TCOF1: variants seen among roughly 807,000 people sequenced by gnomAD.
TCOF1 encodes the protein treacle ribosome biogenesis factor 1.
A neutral mutation model predicts 149.0 loss-of-function variants in TCOF1; 33 were observed. The observed-to-expected ratio is 0.22, with a 90% CI of 0.17 to 0.30. The LOEUF (loss-of-function observed/expected upper bound fraction) is 0.30. Among genes scored for constraint, TCOF1 ranks in the 10% least tolerant of loss-of-function variants. The pLI is 1.00. For missense variants in TCOF1, 1,728 were observed against 1,840.7 expected (o/e 0.94, Z 1.12); for synonymous variants, 789 against 738.8 (o/e 1.07, Z -1.10).
chr5:150,384,037 C>T, intron 17 of TCOF1: 1 of 1,362,174 alleles, frequency 7.3e-7, no homozygotes, highest in Non-Finnish European at 9.4e-7. Context: ...AGAGCACCAG[C>T]TCCCCTGTCC....
intron 21 of TCOF1, 98 bp downstream of exon 21, chr5:150,392,274 C>G: frequency 8.1e-7 from 1 of 1,239,310 alleles, no homozygotes. Context: ...ATCTCAGACT[C>G]ATTCTGCACC....
chr5:150,396,923 G>C (rs1234927230), intron 24 of TCOF1, 81 bp downstream of exon 24: 1 of 1,477,852 alleles, frequency 6.8e-7, no homozygotes, highest in Non-Finnish European at 9.2e-7. Context: ...GCCAGCACCT[G>C]GTCTCATTCC....
intron 23 of TCOF1, 107 bp from the exon 24 acceptor site, chr5:150,396,175 T>C: frequency 7.8e-7 from 1 of 1,282,110 alleles, no homozygotes. Context: ...ATCTGTGCCA[T>C]TGTAAGAAAA....
At chr5:150,380,029 G>A (rs1164651149) in intron 17 of TCOF1, 4 of 392,322 alleles carry the variant, frequency 1.0e-5, no homozygotes, top group Non-Finnish European at 1.5e-5. Flanking sequence ...CCAAGATCAT[G>A]CCACTGCACT....
At chr5:150,376,703 G>A (rs945044508) in intron 14 of TCOF1, 83 bp downstream of exon 14, 1 of 1,425,372 alleles carries the variant, frequency 7.0e-7, no homozygotes. Context: ...GGGGGCTAGT[G>A]TTGCCTGCAG....
At chr5:150,377,660 G>A (rs1764128494) in intron 14 of TCOF1, among the ~76,000 whole-genome samples, 1 of 152,126 alleles carries the variant, frequency 6.6e-6, no homozygotes, top group South Asian at 2.1e-4. Flanking sequence ...CTCCATTGAG[G>A]TTTTTAAGCT....
intron 17 of TCOF1, among the ~76,000 whole-genome samples, chr5:150,385,306 AT>A (rs1435868046): frequency 3.3e-5 from 5 of 152,234 alleles, no homozygotes; most frequent in Non-Finnish European, 7.3e-5. Context: ...GCCTAGCATA[AT>A]TGGTTCTAGA....
chr5:150,393,875 A>G (rs1361973279), intron 23 of TCOF1: 1 of 378,948 alleles, frequency 2.6e-6, no homozygotes, highest in Non-Finnish European at 5.1e-6. Context: ...AGCCGGTGTG[A>G]TGGTGCACGC....
chr5:150,385,317 A>G (rs756827154), intron 17 of TCOF1, among the ~76,000 whole-genome samples: 3 of 152,202 alleles, frequency 2.0e-5, no homozygotes, highest in Non-Finnish European at 4.4e-5. Flanking sequence ...TTGGTTCTAG[A>G]AGGAGCTCCA....
At chr5:150,365,253 C>CTTTTTT (rs991524826) in intron 3 of TCOF1, among the ~76,000 whole-genome samples, 4 of 116,494 alleles carry the variant, frequency 3.4e-5, no homozygotes, top group Non-Finnish European at 3.7e-5. Flanking sequence ...CTTTTTCTTT[C>CTTTTTT]TTTTTTTTTT....
At chr5:150,365,599 A>C (rs1166519889) in intron 3 of TCOF1, among the ~76,000 whole-genome samples, 1 of 152,146 alleles carries the variant, frequency 6.6e-6, no homozygotes, top group Non-Finnish European at 1.5e-5. Context: ...ACAGACCTGC[A>C]TGCTATTTGA....
intron 19 of TCOF1, 105 bp downstream of exon 19, chr5:150,390,128 C>T (rs770445397): frequency 3.2e-5 from 48 of 1,521,594 alleles, no homozygotes; most frequent in African/African-American, 4.1e-5. Context: ...CTGTCACGCC[C>T]ACACTCCAGA....
intron 21 of TCOF1, 48 bp downstream of exon 21, chr5:150,392,224 G>A (rs763337147): frequency 1.1e-5 from 17 of 1,585,730 alleles, no homozygotes; most frequent in Non-Finnish European, 1.3e-5. Context: ...AGAGGGTGTT[G>A]TGTGGCCTGG....
Position 150,376,288 on chromosome 5 carries a change from T to C in TCOF1, c.2100T>C (p.Asp700=), listed in dbSNP as rs1763785411. 1 of 1,613,868 alleles carries C rather than the reference T, an allele frequency of 6.2e-7. No individual in the cohort carries two copies. The highest frequency in any genetic ancestry group is 1.7e-5 in the Admixed American group (1 of 60,000). ...AEDSSSSEES[D]SEEEKTGLAV... is the part of the protein sequence containing the mutation. Reference sequence around the variant, plus strand: ...ATTCTTCAAGCAGTGAGGAATCAGATAGTGAGGAAGAGAAGACAGGTCTTG... The same window carrying C: ...ATTCTTCAAGCAGTGAGGAATCAGACAGTGAGGAAGAGAAGACAGGTCTTG... Residue 700 remains aspartate, a synonymous_variant, in exon 13 of 27, where the codon GAT becomes GAC. Coordinates refer to ENST00000643257, the MANE Select transcript of TCOF1 (RefSeq NM_001371623.1).
At chr5:150,385,507 C>G (rs1317317719) in intron 17 of TCOF1, among the ~76,000 whole-genome samples, 1 of 152,186 alleles carries the variant, frequency 6.6e-6, no homozygotes, top group African/African-American at 2.4e-5. Context: ...TAGAATTTCT[C>G]AGTCCCCTGG....
chr5:150,357,782 C>G lies in TCOF1; in HGVS notation c.36C>G (p.Pro12=). The change falls in exon 1 of 27, where the codon CCC becomes CCG. Residue 12 remains proline, a synonymous_variant. Coordinates refer to ENST00000643257, the MANE Select transcript of TCOF1 (RefSeq NM_001371623.1). ...AEARKRRELL[P]LIYHHLLRAG... ...CCAGGAAGCGGCGGGAGCTACTTCCCCTGATCTACCACCATCTGCTGCGGG... is the reference window on the plus strand; with the variant it reads ...CCAGGAAGCGGCGGGAGCTACTTCCGCTGATCTACCACCATCTGCTGCGGG... The G allele has an allele frequency of 6.5e-7, 1 of 1,549,722 alleles. No individual in the cohort carries two copies. Among genetic ancestry groups the G allele is most frequent in the Non-Finnish European group, 8.7e-7 (1 of 1,146,572 alleles).
rs1765788696 is a variant in TCOF1 at position 150,384,096 on chromosome 5, G to A, written c.2860-3806G>A. 1.3e-5 allele frequency: 16 copies of A among 1,227,590 alleles called. 1 individual carries two copies. The South Asian group carries it at 1.7e-4, about 13-fold the overall frequency. 76.0% of individuals were successfully genotyped at this position (1,227,590 alleles called of 1,614,324 possible). ...AGTTCTGCAACCTCCAGACCAGAGC[G>A]GTCTCATGAACCACCTCCCCTTGAA... On this transcript the variant is annotated intron_variant, in intron 17 of 26. Coordinates refer to ENST00000643257, the MANE Select transcript of TCOF1 (RefSeq NM_001371623.1).
chr5:150,361,244 A>G (rs1381643870), intron 2 of TCOF1, 33 bp downstream of exon 2: 2 of 1,612,750 alleles, frequency 1.2e-6, no homozygotes, highest in South Asian at 1.1e-5. Context: ...TGGAGTAGGG[A>G]CGGACACCCC....
chr5:150,363,288 G>A (rs1405675804), intron 2 of TCOF1, among the ~76,000 whole-genome samples: 4 of 152,196 alleles, frequency 2.6e-5, no homozygotes, highest in Non-Finnish European at 5.9e-5. Flanking sequence ...ATCCTGACAA[G>A]TGGCTTTCCT....
Sources: gnomAD v4.1 joint callset for allele counts (sites outside exome capture counted in the v4.1 genomes callset) on GRCh38, gnomAD v4.1.1 for gene constraint, MANE v1.5 for transcripts, NCBI Gene and HGNC (gene_info 2026-07-23, HGNC 2026-07-21) for gene names.